Variants in OSBPL10 observed in about 807,000 individuals in gnomAD.
OSBPL10 encodes oxysterol-binding protein-related protein 10.
OSBPL10 carries 49 observed loss-of-function variants against 81.7 expected under a neutral mutation model. That is an observed-to-expected ratio of 0.60 (90% confidence interval 0.48 to 0.76). OSBPL10 has a LOEUF of 0.76. OSBPL10 is among the 30% of genes least tolerant of loss of function. The pLI, the probability that OSBPL10 is intolerant of heterozygous loss-of-function variation, is 0.00. For synonymous variants in OSBPL10, 419 were observed against 383.6 expected (o/e 1.09, Z -1.08); for missense variants, 923 against 987.8 (o/e 0.93, Z 0.88).
chr3:31,783,101 AATATATCTATTATATATAT>A (rs1404574524), intron 4 of OSBPL10, among the ~76,000 whole-genome samples: 3 of 139,058 alleles, frequency 2.2e-5, no homozygotes, highest in African/African-American at 8.5e-5. Flanking sequence ...TATCTATATC[AATATATCTATTATATATAT>A]ATATATATAT....
intron 2 of OSBPL10, among the ~76,000 whole-genome samples, chr3:32,007,703 A>G (rs6775441): frequency 0.35 from 52,937 of 151,626 alleles, 10,756 homozygotes; most frequent in African/African-American, 0.55. Flanking sequence ...TCCCCTTCTC[A>G]AAATTCTTTC....
intron 1 of OSBPL10, among the ~76,000 whole-genome samples, chr3:31,979,610 T>C (rs1248292196): frequency 6.6e-6 from 1 of 152,048 alleles, no homozygotes; most frequent in Non-Finnish European, 1.5e-5. Flanking sequence ...GACTGTTAAA[T>C]AGGCAGGACA....
At chr3:31,951,347 A>T (rs1697864129) in intron 1 of OSBPL10, among the ~76,000 whole-genome samples, 1 of 152,108 alleles carries the variant, frequency 6.6e-6, no homozygotes, top group Non-Finnish European at 1.5e-5. Context: ...ACTAAATAAT[A>T]CAGAGAGATA....
intron 1 of OSBPL10, among the ~76,000 whole-genome samples, chr3:31,963,287 T>G (rs917041536): frequency 1.3e-5 from 2 of 152,046 alleles, no homozygotes; most frequent in African/African-American, 4.8e-5. Flanking sequence ...TTATATAAAG[T>G]GTTTCCTCAA....
At chr3:32,024,459 T>C (rs959361670) in intron 2 of OSBPL10, among the ~76,000 whole-genome samples, 4 of 151,864 alleles carry the variant, frequency 2.6e-5, no homozygotes, top group African/African-American at 9.6e-5. Context: ...TTGTTCCTTT[T>C]GATTTTATTT....
At chr3:31,979,854 T>C (rs1466019415) in intron 1 of OSBPL10, among the ~76,000 whole-genome samples, 1 of 152,018 alleles carries the variant, frequency 6.6e-6, no homozygotes, top group African/African-American at 2.4e-5. Context: ...CACGTGTCCA[T>C]AACTAGGCTT....
At chr3:31,848,430 A>G (rs1159639987) in intron 3 of OSBPL10, among the ~76,000 whole-genome samples, 2 of 152,052 alleles carry the variant, frequency 1.3e-5, no homozygotes, top group Non-Finnish European at 2.9e-5. Context: ...CATGAAGAAC[A>G]TGAATTCCAT....
intron 8 of OSBPL10, among the ~76,000 whole-genome samples, chr3:31,674,463 G>A (rs1269739910): frequency 6.6e-6 from 1 of 152,172 alleles, no homozygotes; most frequent in Admixed American, 6.5e-5. Context: ...GGGAGGTTAA[G>A]ATAGGAGGAT....
At chr3:31,836,787 C>T (rs763710665) in intron 3 of OSBPL10, among the ~76,000 whole-genome samples, 10 of 152,218 alleles carry the variant, frequency 6.6e-5, no homozygotes, top group Non-Finnish European at 1.0e-4. Context: ...CCTCCATCCA[C>T]ACCATTTGCT....
At chr3:31,962,107 A>C (rs1235262099) in intron 1 of OSBPL10, among the ~76,000 whole-genome samples, 1 of 151,976 alleles carries the variant, frequency 6.6e-6, no homozygotes, top group Non-Finnish European at 1.5e-5. Flanking sequence ...GATGCCCACC[A>C]CCACGCCCAG....
intron 1 of OSBPL10, among the ~76,000 whole-genome samples, chr3:31,906,000 C>T (rs922431945): frequency 6.6e-6 from 1 of 152,072 alleles, no homozygotes; most frequent in Non-Finnish European, 1.5e-5. Flanking sequence ...ATCTACTCTC[C>T]TGTAGAAGGA....
At chr3:31,754,711 A>T (rs1249178220) in intron 4 of OSBPL10, among the ~76,000 whole-genome samples, 3 of 152,148 alleles carry the variant, frequency 2.0e-5, no homozygotes, top group South Asian at 2.1e-4. Flanking sequence ...CAACTACTCA[A>T]CTCTGTCACT....
intron 3 of OSBPL10, among the ~76,000 whole-genome samples, 174 bp from the exon 4 acceptor site, chr3:31,830,405 A>G (rs564757963): frequency 7.2e-5 from 11 of 152,276 alleles, no homozygotes; most frequent in South Asian, 6.2e-4. Context: ...TACTCACTGA[A>G]CTGCCCTTCC....
Position 31,831,178 on chromosome 3 carries a change from G to A in OSBPL10, c.538-947C>T, listed in dbSNP as rs111569488. On this transcript the variant is annotated intron_variant, in intron 3 of 11. Coordinates refer to ENST00000396556, the MANE Select transcript of OSBPL10 (RefSeq NM_017784.5). Reference sequence around the variant, plus strand: ...TCCCAGCACTTTGGGAGGCCAAGGCGGGCAGATCACCTGAGGTCAGGAGTT... The same window carrying A: ...TCCCAGCACTTTGGGAGGCCAAGGCAGGCAGATCACCTGAGGTCAGGAGTT... 2.7e-3 allele frequency among the ~76,000 whole-genome samples: 413 copies of A among 152,216 alleles called. 1 individual carries two copies. The highest frequency in any genetic ancestry group is 8.8e-3 in the African/African-American group (367 of 41,552).
intron 1 of OSBPL10, among the ~76,000 whole-genome samples, chr3:31,919,696 C>A (rs1335334898): frequency 2.0e-5 from 3 of 152,200 alleles, no homozygotes; most frequent in Admixed American, 2.0e-4. Flanking sequence ...TCCAGGGAGG[C>A]AGTTCACAGA....
intron 4 of OSBPL10, among the ~76,000 whole-genome samples, chr3:31,793,496 C>T (rs1559467734): frequency 6.6e-6 from 1 of 152,208 alleles, no homozygotes; most frequent in Non-Finnish European, 1.5e-5. Flanking sequence ...GGCTGATGGC[C>T]TTCAATGCTG....
At chr3:31,705,372 A>ACCCCCCCCCCCCCCCC (rs3840254) in intron 6 of OSBPL10, among the ~76,000 whole-genome samples, 6 of 130,556 alleles carry the variant, frequency 4.6e-5, no homozygotes, top group South Asian at 2.6e-4. Flanking sequence ...CAAAGAGAAG[A>ACCCCCCCCCCCCCCCC]CCCCCCCCCC....
intron 3 of OSBPL10, among the ~76,000 whole-genome samples, chr3:31,854,555 A>T (rs1361458186): frequency 6.6e-6 from 1 of 152,220 alleles, no homozygotes; most frequent in Admixed American, 6.5e-5. Context: ...GTTAGACTAT[A>T]TATAATTTTA....
At chr3:32,000,614 A>T (rs1339676983) in intron 2 of OSBPL10, among the ~76,000 whole-genome samples, 1 of 152,236 alleles carries the variant, frequency 6.6e-6, no homozygotes, top group Non-Finnish European at 1.5e-5. Flanking sequence ...GGCTGTTCTC[A>T]GCACGGTTTG....
Sources: allele counts gnomAD v4.1 joint callset (sites outside exome capture counted in the v4.1 genomes callset), GRCh38; gene constraint gnomAD v4.1.1; transcripts MANE v1.5; gene names NCBI Gene and HGNC (gene_info 2026-07-23, HGNC 2026-07-21).